Variants in DLG4 observed in about 807,000 individuals in gnomAD.
DLG4 encodes the protein disks large homolog 4.
In DLG4, 7 loss-of-function variants were observed where a neutral mutation model predicts 93.8. The observed-to-expected ratio is 0.07, with a 90% CI of 0.04 to 0.14. DLG4 has a LOEUF of 0.14. Ranked by LOEUF, DLG4 falls within the 10% of genes least tolerant of loss-of-function variation. DLG4 has a pLI of 1.00. For missense variants in DLG4, 545 were observed against 992.9 expected, an observed-to-expected ratio of 0.55 and a Z score of 6.06; for synonymous variants, 341 against 387.6, an observed-to-expected ratio of 0.88 and a Z score of 1.41.
chr17:7,217,737 A>C, upstream of DLG4: 1 of 1,534,974 alleles, frequency 6.5e-7, no homozygotes, highest in Non-Finnish European at 8.7e-7. Flanking sequence ...ATGGGAAAGG[A>C]GATAGAAGCA....
rs757521916 is a variant in DLG4, at chr17:7,193,885, G to C, written c.1516-14C>G. The C allele has an allele frequency of 6.2e-7, 1 of 1,612,256 alleles. No individual in the cohort carries two copies. The highest frequency in any genetic ancestry group is 8.5e-7 in the Non-Finnish European group (1 of 1,179,194). ...GGAGCCCCAGTCCTAAGAAGAAAAA[G>C]CAGGCCACGGGGTTAGTTATGAGCT... On this transcript the variant is annotated splice_polypyrimidine_tract_variant and intron_variant, in intron 13 of 19. Coordinates refer to ENST00000399506, the MANE Select transcript of DLG4 (RefSeq NM_001321075.3). This position sits in a 1 kb window ranked among gnomAD's most constrained non-coding sequence, Gnocchi z 6.7.
chr17:7,210,280 G>A (rs1388858021), intron 1 of DLG4, among the ~76,000 whole-genome samples: 1 of 152,204 alleles, frequency 6.6e-6, no homozygotes, highest in Non-Finnish European at 1.5e-5. Context: ...GAGAAGGGAA[G>A]TGGTCCTGTC....
chr17:7,193,346 G>A lies in DLG4; in HGVS notation c.1693+137C>T. 9.6e-7 allele frequency: 1 copy of A among 1,038,794 alleles called. No individual in the cohort carries two copies. Among genetic ancestry groups the A allele is most frequent in the Non-Finnish European group, 1.4e-6 (1 of 728,890 alleles). 64.3% of individuals were successfully genotyped at this position (1,038,794 alleles called of 1,614,324 possible). On this transcript the variant is annotated intron_variant, in intron 16 of 19. Coordinates refer to ENST00000399506, the MANE Select transcript of DLG4 (RefSeq NM_001321075.3). This position sits in a 1 kb window ranked among gnomAD's most constrained non-coding sequence, Gnocchi z 6.7. ...TATGGAATGAGAGGGTGGCTGAGAA[G>A]CACCCCTTCTCGGAGAAACCCTGTA... is the stretch of plus-strand genomic sequence containing the variant.
At chr17:7,218,273 C>T, upstream of DLG4, 1 of 1,609,372 alleles carries the variant, frequency 6.2e-7, no homozygotes, top group Non-Finnish European at 8.5e-7. Flanking sequence ...TCATAATAGT[C>T]CAGGATGTCT....
In DLG4 at chr17:7,194,343, A is replaced by C; in HGVS notation, c.1454T>G (p.Ile485Ser). The C allele has an allele frequency of 6.2e-7, 1 of 1,607,590 alleles. No homozygotes were observed. Among genetic ancestry groups the C allele is most frequent in the Non-Finnish European group, 8.5e-7 (1 of 1,177,272 alleles). The change falls in exon 12 of 20, where the codon ATT becomes AGT. Residue 485 changes from isoleucine (I) to serine (S), a missense_variant. This residue lies in a region of DLG4 where 428 missense variants were observed against 741.4 expected (regional missense o/e 0.58). Transcript: ENST00000399506. This position sits in a 1 kb window ranked among gnomAD's most constrained non-coding sequence, Gnocchi z 4.4. ...CCGCCGTTTGCTGGGGATGAACCCA[A>C]TGTCGTCGGTCTCACTGTCAGAGTG... Reference protein sequence around the residue: ...RVHSDSETDDIGFIPSKRRVE... With the variant: ...RVHSDSETDDSGFIPSKRRVE...
Position 7,217,504 on chromosome 17 carries a change from G to C in DLG4, c.-357C>G. On this transcript the variant is annotated 5_prime_UTR_variant, in exon 1 of 20. Transcript: ENST00000399506. The stretch of plus-strand genomic sequence containing the variant: ...GAACTGGATTTCGGGGAGCCCCGGG[G>C]TAGGGGGGGGTCTTGCCAAACGGCC... The C allele has an allele frequency of 4.3e-6, 1 of 231,480 alleles. No individual in the cohort carries two copies. The highest frequency in any genetic ancestry group is 6.5e-6 in the Non-Finnish European group (1 of 153,488). 14.3% of individuals were successfully genotyped at this position (231,480 alleles called of 1,614,324 possible).
intron 8 of DLG4, chr17:7,202,657 C>G (rs1456619721): frequency 5.6e-6 from 3 of 532,750 alleles, no homozygotes; most frequent in Non-Finnish European, 1.0e-5. Flanking sequence ...TTGAGAATTT[C>G]ACAAAATTAG....
rs1809049703 is a variant in DLG4 at position 7,193,218 on chromosome 17, T to C, written c.1694-101A>G. On this transcript the variant is annotated intron_variant, in intron 16 of 19. Transcript: ENST00000399506. This position sits in a 1 kb window ranked among gnomAD's most constrained non-coding sequence, Gnocchi z 6.7. ...ATCCCCATAGTGCCCAGCTGGTCCT[T>C]TGGTGAAAGGGAGCTGCCAGGGAGA... 1 of 1,519,358 alleles carries C rather than the reference T, an allele frequency of 6.6e-7. No homozygotes were observed. Among genetic ancestry groups the C allele is most frequent in the Non-Finnish European group, 9.0e-7 (1 of 1,114,876 alleles). The allele number at this position is 1,519,358 out of a possible 1,614,324, so 94.1% of individuals were successfully genotyped here. A position where few individuals can be genotyped will look rare whatever the true frequency, so the allele number is the denominator to read the frequency against.
At chr17:7,207,589 A>G (rs2070525690) in intron 2 of DLG4, among the ~76,000 whole-genome samples, 1 of 152,038 alleles carries the variant, frequency 6.6e-6, no homozygotes, top group African/African-American at 2.4e-5. Context: ...CTTGGAACAG[A>G]GCTCTGGACA....
chr17:7,212,610 C>A (rs1242341923), intron 1 of DLG4, among the ~76,000 whole-genome samples: 1 of 152,164 alleles, frequency 6.6e-6, no homozygotes, highest in Non-Finnish European at 1.5e-5. Flanking sequence ...TTAAAGCAGA[C>A]CCTCCAAATT....
chr17:7,190,943 AC>A, intron 19 of DLG4, 129 bp from the exon 20 acceptor site: 1 of 599,056 alleles, frequency 1.7e-6, no homozygotes, highest in Non-Finnish European at 2.8e-6. Flanking sequence ...CTGGGGCTGC[AC>A]CCGCCCACAG....
chr17:7,213,794 A>AT (rs752200412), intron 1 of DLG4: 20 of 470,968 alleles, frequency 4.2e-5, no homozygotes, highest in Admixed American at 7.0e-5. Flanking sequence ...CTTCCCTAGA[A>AT]TCTCACCCAA....
intron 3 of DLG4, 30 bp downstream of exon 3, chr17:7,204,169 G>A: frequency 6.2e-7 from 1 of 1,605,462 alleles, no homozygotes; most frequent in Non-Finnish European, 8.5e-7. Flanking sequence ...CTTCTGCAAT[G>A]GCCCCAGCCC....
In DLG4 at chr17:7,196,090, T is replaced by C; in HGVS notation, c.1301+130A>G. 1 of 651,254 alleles carries C rather than the reference T, an allele frequency of 1.5e-6. No homozygotes were observed. Among genetic ancestry groups the C allele is most frequent in the Non-Finnish European group, 2.6e-6 (1 of 380,134 alleles). The allele number at this position is 651,254 out of a possible 1,614,324, so 40.3% of individuals were successfully genotyped here. Reference sequence around the variant, plus strand: ...TGCAGCCAAGCCCATGAACCCTGGCTGCGCCTCAGGCCTGGGGTGGGGAGC... The same window carrying C: ...TGCAGCCAAGCCCATGAACCCTGGCCGCGCCTCAGGCCTGGGGTGGGGAGC... On this transcript the variant is annotated intron_variant, in intron 11 of 19. Transcript: ENST00000399506. The surrounding 1 kb of genome is among the most constrained non-coding windows in gnomAD (Gnocchi z 8.3).
rs1287707014 is a variant in DLG4, at chr17:7,189,201, T to C, written c.*1507A>G. Among the ~76,000 whole-genome samples, 1 of 149,438 alleles carries C rather than the reference T, an allele frequency of 6.7e-6. No homozygotes were observed. Among genetic ancestry groups the C allele is most frequent in the Non-Finnish European group, 1.5e-5 (1 of 67,640 alleles). ...TCTTATCAGCAGAACTCTGTAAAGA[T>C]CATTTCCAGGCCAGGCGCGGTGGCT... On this transcript the variant is annotated 3_prime_UTR_variant, in exon 20 of 20. Coordinates refer to ENST00000399506, the MANE Select transcript of DLG4 (RefSeq NM_001321075.3).
chr17:7,217,028 C>T, intron 1 of DLG4, 90 bp downstream of exon 1: 1 of 1,174,996 alleles, frequency 8.5e-7, no homozygotes, highest in Non-Finnish European at 1.1e-6. Context: ...TGCTGCCACT[C>T]CAGGGGCGCC....
intron 3 of DLG4, 57 bp downstream of exon 3, chr17:7,204,142 C>A (rs980459685): frequency 1.7e-5 from 27 of 1,601,266 alleles, no homozygotes; most frequent in Non-Finnish European, 2.2e-5. Flanking sequence ...CTGCTGCCCT[C>A]CCTTACTCCC....
At chr17:7,206,148 G>A (rs921465559) in intron 2 of DLG4, among the ~76,000 whole-genome samples, 1 of 151,888 alleles carries the variant, frequency 6.6e-6, no homozygotes, top group Non-Finnish European at 1.5e-5. Context: ...GGAGTGCAGT[G>A]GTGTGATCAT....
At chr17:7,213,092 TTTC>T (rs1260211002) in intron 1 of DLG4, among the ~76,000 whole-genome samples, 851 of 42,594 alleles carry the variant, frequency 0.02, 3 homozygotes, top group Non-Finnish European at 0.032. Context: ...TCTTTCTTTC[TTTC>T]TTTTTTTTTT....
Sources: allele counts gnomAD v4.1 joint callset (sites outside exome capture counted in the v4.1 genomes callset), GRCh38; gene constraint gnomAD v4.1.1; regional missense constraint gnomAD v4.1.1; non-coding constraint Gnocchi (gnomAD v3.1); transcripts MANE v1.5; gene names NCBI Gene and HGNC (gene_info 2026-07-23, HGNC 2026-07-21).